The following AP4E1 variants were observed in gnomAD, a reference collection of about 807,000 sequenced individuals.
AP4E1 encodes the protein adaptor related protein complex 4 subunit epsilon 1, also known as AP-4 complex subunit epsilon-1.
A neutral mutation model predicts 128.2 loss-of-function variants in AP4E1; 56 were observed. The observed-to-expected ratio is 0.44, with a 90% CI of 0.35 to 0.55. AP4E1 has a LOEUF of 0.55. Ranked by LOEUF, AP4E1 falls within the 20% of genes least tolerant of loss-of-function variation. The pLI is 0.00. For missense variants in AP4E1, 1,324 were observed against 1,307.7 expected (o/e 1.01, Z -0.19); for synonymous variants, 484 against 473.1 (o/e 1.02, Z -0.30).
Position 51,002,716 on chromosome 15 carries a change from C to T in AP4E1, c.*54C>T, listed in dbSNP as rs758336860. On this transcript the variant is annotated 3_prime_UTR_variant, in exon 21 of 21. Coordinates refer to ENST00000261842, the MANE Select transcript of AP4E1 (RefSeq NM_007347.5). ...AAGATCAATGGTTTACATAGATAAA[C>T]TTATTTACCAAAGTAAAAAGAACTC... 118 of 1,601,336 alleles carry T rather than the reference C, an allele frequency of 7.4e-5. No individual in the cohort carries two copies. The highest frequency in any genetic ancestry group is 8.9e-5 in the Non-Finnish European group (104 of 1,170,572).
At position 51,004,486 on chromosome 15, in the gene AP4E1, C is replaced by T. The variant is rs555641599; in HGVS notation, c.*1824C>T. On this transcript the variant is annotated 3_prime_UTR_variant, in exon 21 of 21. Coordinates refer to ENST00000261842, the MANE Select transcript of AP4E1 (RefSeq NM_007347.5). ...GCACATGGACAGCTACCAGGGAGAT[C>T]TGTTGCTTGGTTACAGGGTGTATTC... 1 of 152,354 alleles carries T rather than the reference C, an allele frequency of 6.6e-6. No homozygotes were observed. Among genetic ancestry groups the T allele is most frequent in the Non-Finnish European group, 1.5e-5 (1 of 68,036 alleles). The allele number at this position is 152,354 out of a possible 1,614,324, so 9.4% of individuals were successfully genotyped here. A position where few individuals can be genotyped will look rare whatever the true frequency, so the allele number is the denominator to read the frequency against.
chr15:50,944,695 A>G (rs897961116), intron 10 of AP4E1: 20 of 485,554 alleles, frequency 4.1e-5, no homozygotes, highest in South Asian at 6.3e-5. Context: ...AATCTGGACA[A>G]TTATGTCTGT....
chr15:50,926,893 T>A (rs1270349699), intron 5 of AP4E1, among the ~76,000 whole-genome samples: 3 of 152,232 alleles, frequency 2.0e-5, no homozygotes, highest in African/African-American at 7.2e-5. Flanking sequence ...CCCGGCCAAC[T>A]TGTATACTTT....
At chr15:50,969,058 C>T (rs2064439253) in intron 15 of AP4E1, among the ~76,000 whole-genome samples, 1 of 151,398 alleles carries the variant, frequency 6.6e-6, no homozygotes. Flanking sequence ...AGGTTTGTTA[C>T]ATAGGTAAAC....
chr15:50,960,263 G>T (rs1164290589), intron 14 of AP4E1, among the ~76,000 whole-genome samples: 1 of 152,068 alleles, frequency 6.6e-6, no homozygotes, highest in Non-Finnish European at 1.5e-5. Flanking sequence ...TTTCAGTCTA[G>T]ACCAAATGGA....
chr15:50,944,886 C>A, intron 10 of AP4E1: 1 of 816,064 alleles, frequency 1.2e-6, no homozygotes, highest in Non-Finnish European at 2.1e-6. Flanking sequence ...GGCAAAGCAT[C>A]CAAAGAACCT....
At chr15:50,912,648 C>A (rs2141127260) in intron 2 of AP4E1, among the ~76,000 whole-genome samples, 1 of 142,628 alleles carries the variant, frequency 7.0e-6, no homozygotes, top group East Asian at 2.1e-4. Flanking sequence ...TAGATTAAAA[C>A]TCAGTTTGAT....
At chr15:50,924,980 C>A (rs1596461143) in intron 4 of AP4E1, 118 bp from the exon 5 acceptor site, 1 of 1,235,716 alleles carries the variant, frequency 8.1e-7, no homozygotes, top group African/African-American at 1.5e-5. Context: ...TTTGGATGTA[C>A]AAATTAATTA....
chr15:50,993,642 A>C lies in AP4E1; in HGVS notation c.2346+17A>C, dbSNP rs1345711722. On this transcript the variant is annotated intron_variant, in intron 17 of 20. Transcript: ENST00000261842. ...ATCAACCTGGTAAGTAATCGGTTCTATTCCTGTAAGAATCTTTGTCATCTG... is the reference window on the plus strand; with the variant it reads ...ATCAACCTGGTAAGTAATCGGTTCTCTTCCTGTAAGAATCTTTGTCATCTG... 2.5e-6 allele frequency: 4 copies of C among 1,613,548 alleles called. No individual in the cohort carries two copies. Among genetic ancestry groups the C allele is most frequent in the African/African-American group, 1.3e-5 (1 of 74,920 alleles).
intron 10 of AP4E1, among the ~76,000 whole-genome samples, chr15:50,942,806 T>A (rs2064006061): frequency 6.6e-6 from 1 of 151,732 alleles, no homozygotes; most frequent in Non-Finnish European, 1.5e-5. Context: ...AAGAAATCAT[T>A]CAATATCTTT....
chr15:50,938,691 C>T (rs1596470793), intron 8 of AP4E1, among the ~76,000 whole-genome samples: 1 of 152,126 alleles, frequency 6.6e-6, no homozygotes, highest in South Asian at 2.1e-4. Flanking sequence ...AGAACTTCCA[C>T]TCCTGATCAG....
intron 3 of AP4E1, among the ~76,000 whole-genome samples, chr15:50,916,361 A>C (rs191075858): frequency 4.2e-4 from 64 of 152,352 alleles, no homozygotes; most frequent in African/African-American, 1.5e-3. Flanking sequence ...AATGTTAGCT[A>C]TGAGGATTAG....
intron 7 of AP4E1, 158 bp from the exon 8 acceptor site, chr15:50,934,466 C>T (rs1210521958): frequency 2.1e-5 from 12 of 578,076 alleles, no homozygotes; most frequent in Non-Finnish European, 3.1e-5. Flanking sequence ...TGAAAAACAG[C>T]AAACCTTTTA....
At chr15:50,993,994 A>G (rs2064838863) in intron 17 of AP4E1, among the ~76,000 whole-genome samples, 1 of 152,228 alleles carries the variant, frequency 6.6e-6, no homozygotes, top group Non-Finnish European at 1.5e-5. Context: ...ATATCTTTGT[A>G]AAAAGTACTC....
chr15:50,913,724 T>C (rs1312008723), intron 2 of AP4E1, among the ~76,000 whole-genome samples: 1 of 152,252 alleles, frequency 6.6e-6, no homozygotes, highest in East Asian at 1.9e-4. Context: ...ATGAACCCTT[T>C]AACTCCTAAT....
At chr15:50,982,165 C>G (rs1414436000) in intron 15 of AP4E1, among the ~76,000 whole-genome samples, 5 of 151,038 alleles carry the variant, frequency 3.3e-5, no homozygotes, top group African/African-American at 1.2e-4. Context: ...TTCCTTTCAC[C>G]ATGGGATGAT....
intron 3 of AP4E1, among the ~76,000 whole-genome samples, chr15:50,916,812 G>A (rs1225921198): frequency 6.6e-6 from 1 of 152,026 alleles, no homozygotes; most frequent in African/African-American, 2.4e-5. Context: ...GATCACTCAG[G>A]TGGCTCCTAC....
intron 14 of AP4E1, among the ~76,000 whole-genome samples, chr15:50,962,548 G>A (rs1163729223): frequency 6.6e-6 from 1 of 151,860 alleles, no homozygotes; most frequent in Non-Finnish European, 1.5e-5. Flanking sequence ...CTTGATATCA[G>A]CATGCAGAAT....
At chr15:50,923,457 A>G (rs951888884) in intron 3 of AP4E1, among the ~76,000 whole-genome samples, 2 of 152,196 alleles carry the variant, frequency 1.3e-5, no homozygotes, top group Non-Finnish European at 2.9e-5. Flanking sequence ...TATATGATTT[A>G]CATCATGTGC....
Sources: allele counts gnomAD v4.1 joint callset (sites outside exome capture counted in the v4.1 genomes callset), GRCh38; gene constraint gnomAD v4.1.1; transcripts MANE v1.5; gene names NCBI Gene and HGNC (gene_info 2026-07-23, HGNC 2026-07-21).